CYP27C1: variants seen among roughly 807,000 people sequenced by gnomAD.
CYP27C1 encodes the protein cytochrome P450 27C1.
A neutral mutation model predicts 40.6 loss-of-function variants in CYP27C1; 29 were observed. The ratio of observed to expected loss-of-function variants is 0.71; its 90% CI spans 0.53 to 0.97. The LOEUF (loss-of-function observed/expected upper bound fraction) is 0.97. CYP27C1 is among the 50% of genes least tolerant of loss of function. The probability of loss-of-function intolerance (pLI) is 0.00; values close to 1 mark genes in which losing one functional copy is unlikely to be tolerated. For synonymous variants in CYP27C1, 198 were observed against 186.8 expected (o/e 1.06, Z -0.49); for missense variants, 390 against 485.8 (o/e 0.80, Z 1.85).
chr2:127,203,002 A>G (rs1683074313), intron 3 of CYP27C1, among the ~76,000 whole-genome samples: 1 of 152,038 alleles, frequency 6.6e-6, no homozygotes, highest in Non-Finnish European at 1.5e-5. Flanking sequence ...CACTGTCTCT[A>G]CTAAAAATAC....
intron 4 of CYP27C1, among the ~76,000 whole-genome samples, 156 bp from the exon 5 acceptor site, chr2:127,199,695 A>C (rs1682988308): frequency 6.6e-6 from 1 of 152,234 alleles, no homozygotes; most frequent in Admixed American, 6.5e-5. Flanking sequence ...TGGGAGTTTC[A>C]CTCATACACT....
At chr2:127,205,764 G>A in intron 2 of CYP27C1, 136 bp downstream of exon 2, 2 of 985,446 alleles carry the variant, frequency 2.0e-6, no homozygotes, top group South Asian at 9.4e-5. Context: ...CGCACAAGGA[G>A]ACTGTCTGAT....
At chr2:127,193,674 A>C in intron 7 of CYP27C1, 115 bp downstream of exon 7, 1 of 1,144,518 alleles carries the variant, frequency 8.7e-7, no homozygotes, top group East Asian at 2.4e-5. Flanking sequence ...TACATGCAAA[A>C]GAAAAGGAAA....
chr2:127,187,426 C>T (rs775391484), intron 8 of CYP27C1, 39 bp from the exon 9 acceptor site: 3 of 1,562,916 alleles, frequency 1.9e-6, no homozygotes, highest in Non-Finnish European at 2.6e-6. Flanking sequence ...AGAATTGGAA[C>T]AGCAGAAAAT....
At chr2:127,197,262 G>A (rs1264353689) in intron 5 of CYP27C1, among the ~76,000 whole-genome samples, 4 of 152,162 alleles carry the variant, frequency 2.6e-5, no homozygotes, top group Non-Finnish European at 5.9e-5. Flanking sequence ...TTTGCATTTA[G>A]TTCATATACT....
Position 127,199,431 on chromosome 2 carries a change from G to A in CYP27C1, c.992C>T (p.Thr331Met), listed in dbSNP as rs778974779. 5 of 1,614,202 alleles carry A rather than the reference G, an allele frequency of 3.1e-6. No homozygotes were observed. Among genetic ancestry groups the A allele is most frequent in the Middle Eastern group, 1.6e-4 (1 of 6,062 alleles). Residue 331 changes from threonine to methionine, a missense_variant, in exon 5 of 9, where the codon ACG becomes ATG. Transcript: ENST00000664447. ...LTYLFLSQAL[T>M]LQEIYANVTE... ...CACGTTGGCGTAGATCTCCTGCAGC[G>A]TCAGAGCCTGGCTAAGGAAGAGGTA...
rs997930274 is a variant in CYP27C1, at chr2:127,200,871, G to A, written c.883+251C>T. On this transcript the variant is annotated intron_variant, in intron 4 of 8. Coordinates refer to ENST00000664447, the MANE Select transcript of CYP27C1 (RefSeq NM_001367502.1). The surrounding 1 kb of genome is among the most constrained non-coding windows in gnomAD (Gnocchi z 4.2). ...GCAGCTACTCAGGAGGCTGAGGCAT[G>A]ATAATCACTTGAACCTAGGAGGCAG... Among the ~76,000 whole-genome samples, 1 of 151,884 alleles carries A rather than the reference G, an allele frequency of 6.6e-6. No individual in the cohort carries two copies. The highest frequency in any genetic ancestry group is 1.5e-5 in the Non-Finnish European group (1 of 68,016).
At chr2:127,193,755 C>A (rs1280693817) in intron 7 of CYP27C1, 34 bp downstream of exon 7, 1 of 1,613,172 alleles carries the variant, frequency 6.2e-7, no homozygotes, top group Non-Finnish European at 8.5e-7. Flanking sequence ...CCCCGACCCG[C>A]AAGGCCTGGC....
Position 127,195,858 on chromosome 2 carries a change from C to G in CYP27C1, c.1048-357G>C, listed in dbSNP as rs1182111101. ...GAGGATCTGCTGGGACTTTGTGTGA[C>G]CTTCTTTGCAGGGCTTGCTCGGTGT... On this transcript the variant is annotated intron_variant, in intron 5 of 8. Transcript: ENST00000664447. This position sits in a 1 kb window ranked among gnomAD's most constrained non-coding sequence, Gnocchi z 6.2. Among the ~76,000 whole-genome samples the G allele has an allele frequency of 6.6e-6, 1 of 151,996 alleles. No individual in the cohort carries two copies.
chr2:127,192,498 G>T (rs59318157), intron 8 of CYP27C1, among the ~76,000 whole-genome samples: 1 of 152,036 alleles, frequency 6.6e-6, no homozygotes, highest in East Asian at 1.9e-4. Flanking sequence ...AAGGTGTTCT[G>T]TAACAACACC....
chr2:127,204,440 A>G (rs868536592), intron 2 of CYP27C1, among the ~76,000 whole-genome samples: 1 of 41,328 alleles, frequency 2.4e-5, no homozygotes, highest in Non-Finnish European at 4.8e-5. Context: ...GAAAGAAAGA[A>G]AAAGAAAGAA....
chr2:127,190,346 T>TTC (rs1573889947), intron 8 of CYP27C1, among the ~76,000 whole-genome samples: 2 of 140,232 alleles, frequency 1.4e-5, no homozygotes, highest in Non-Finnish European at 3.1e-5. Flanking sequence ...TTTTTTCTTT[T>TTC]TTTTTTTTTT....
intron 2 of CYP27C1, among the ~76,000 whole-genome samples, chr2:127,204,102 CA>C (rs1683101132): frequency 6.6e-6 from 1 of 150,992 alleles, no homozygotes; most frequent in East Asian, 2.0e-4. Context: ...CCATCTCTAC[CA>C]AAAATAGAAA....
In CYP27C1 at chr2:127,187,134, G is replaced by C; in HGVS notation, c.*137C>G. On this transcript the variant is annotated 3_prime_UTR_variant, in exon 9 of 9. Coordinates refer to ENST00000664447, the MANE Select transcript of CYP27C1 (RefSeq NM_001367502.1). ...TGCATAAAGATTTACAAGTGTCCCAGGACCTGGGAGGCCAGTCTATAACAA... is the reference window on the plus strand; with the variant it reads ...TGCATAAAGATTTACAAGTGTCCCACGACCTGGGAGGCCAGTCTATAACAA... The C allele has an allele frequency of 1.4e-6, 1 of 718,986 alleles. No individual in the cohort carries two copies. Among genetic ancestry groups the C allele is most frequent in the South Asian group, 1.8e-5 (1 of 55,854 alleles). 44.5% of individuals were successfully genotyped at this position (718,986 alleles called of 1,614,324 possible).
chr2:127,193,712 A>G, intron 7 of CYP27C1, 77 bp downstream of exon 7: 1 of 1,498,408 alleles, frequency 6.7e-7, no homozygotes, highest in Non-Finnish European at 9.3e-7. Flanking sequence ...AGGGACAAAG[A>G]CTTCCTGAAG....
intron 1 of CYP27C1, among the ~76,000 whole-genome samples, chr2:127,207,569 C>A (rs1293249375): frequency 6.6e-6 from 1 of 151,970 alleles, no homozygotes; most frequent in Non-Finnish European, 1.5e-5. Context: ...ACTCAGGAGG[C>A]TGAGGTGGGA....
In CYP27C1 at chr2:127,195,158, G is replaced by A. The variant is rs552909662; in HGVS notation, c.1214+177C>T. ...CTTTACAGAGAACAAGGATTATGTC[G>A]ACCCATAAAACAGAATGGTCTTTCT... is the stretch of plus-strand genomic sequence containing the variant. On this transcript the variant is annotated intron_variant, in intron 6 of 8. Transcript: ENST00000664447. The surrounding 1 kb of genome is among the most constrained non-coding windows in gnomAD (Gnocchi z 6.2). Among the ~76,000 whole-genome samples, 5 of 152,002 alleles carry A rather than the reference G, an allele frequency of 3.3e-5. No homozygotes were observed. Among genetic ancestry groups the A allele is most frequent in the South Asian group, 2.1e-4 (1 of 4,830 alleles).
At position 127,204,538 on chromosome 2, in the gene CYP27C1, AG is replaced by A. The variant is rs1468674914; in HGVS notation, c.474-968del. ...GAAGGAAAGAAAGAAAGAAAGAAAG[AG>A]AGAGAGAGAGAGAGAGAGAAAGAAA... On this transcript the variant is annotated intron_variant, in intron 2 of 8. Transcript: ENST00000664447. 2.5e-3 allele frequency among the ~76,000 whole-genome samples: 68 copies of A among 27,418 alleles called. 3 individuals carry two copies. Among genetic ancestry groups the A allele is most frequent in the African/African-American group, 8.8e-3 (66 of 7,512 alleles). 18.0% of individuals were successfully genotyped at this position (27,418 alleles called of 152,430 possible).
intron 2 of CYP27C1, among the ~76,000 whole-genome samples, chr2:127,204,571 AAG>A (rs1558931430): frequency 1.3e-5 from 1 of 76,774 alleles, no homozygotes; most frequent in Non-Finnish European, 2.6e-5. Context: ...GAAAGAAAGA[AAG>A]AAAGAAAGAA....
Sources: gnomAD v4.1 joint callset for allele counts (sites outside exome capture counted in the v4.1 genomes callset) on GRCh38, gnomAD v4.1.1 for gene constraint, Gnocchi (gnomAD v3.1) non-coding constraint, MANE v1.5 for transcripts, NCBI Gene and HGNC (gene_info 2026-07-23, HGNC 2026-07-21) for gene names.